Variants in ABCG1 observed in about 807,000 individuals in gnomAD.
ABCG1 encodes the protein ATP-binding cassette sub-family G member 1.
Under a neutral mutation model 69.2 loss-of-function variants are expected in ABCG1, and 29 were observed. The ratio of observed to expected loss-of-function variants is 0.42; its 90% CI spans 0.31 to 0.57. The LOEUF (loss-of-function observed/expected upper bound fraction) is 0.57, where lower values mean the gene tolerates loss of function less well. ABCG1 is among the 20% of genes least tolerant of loss of function. The pLI is 0.15. For synonymous variants in ABCG1, 370 were observed against 374.8 expected, an observed-to-expected ratio of 0.99 and a Z score of 0.15; for missense variants, 718 against 898.1, an observed-to-expected ratio of 0.80 and a Z score of 2.56.
chr21:42,289,760 T>G (rs1454180886), intron 10 of ABCG1, among the ~76,000 whole-genome samples: 3 of 152,226 alleles, frequency 2.0e-5, no homozygotes, highest in African/African-American at 7.2e-5. Context: ...GTTCTCCATT[T>G]TTAAATCTTT....
At position 42,276,873 on chromosome 21, in the gene ABCG1, C is replaced by G; in HGVS notation, c.538-22C>G. ...AGTGGCCGTCTGTTCTGCTTCCACA[C>G]TGTTGTCCTTGTCCCCTGCAGGTGT... On this transcript the variant is annotated intron_variant, in intron 4 of 14. Transcript: ENST00000398449. This position sits in a 1 kb window ranked among gnomAD's most constrained non-coding sequence, Gnocchi z 5.3. The G allele has an allele frequency of 1.2e-6, 2 of 1,613,934 alleles. No homozygotes were observed. The highest frequency in any genetic ancestry group is 2.2e-5 in the South Asian group (2 of 91,064).
At chr21:42,202,827 G>T (rs900307096) in intron 2 of ABCG1, among the ~76,000 whole-genome samples, 1 of 151,994 alleles carries the variant, frequency 6.6e-6, no homozygotes, top group African/African-American at 2.4e-5. Flanking sequence ...TGCTCAGGCT[G>T]GTCTTGAACT....
At chr21:42,289,910 G>T in intron 10 of ABCG1, 140 bp from the exon 11 acceptor site, 1 of 886,136 alleles carries the variant, frequency 1.1e-6, no homozygotes, top group Non-Finnish European at 1.7e-6. Flanking sequence ...TTGTTTCTCT[G>T]GAGGAGAAGA....
In ABCG1 at chr21:42,242,035, T is replaced by C. The variant is rs75365894; in HGVS notation, c.286+16121T>C. 4.8e-3 allele frequency among the ~76,000 whole-genome samples: 709 copies of C among 147,742 alleles called. 3 individuals carry two copies. The highest frequency in any genetic ancestry group is 0.017 in the African/African-American group (676 of 39,886). On this transcript the variant is annotated intron_variant, in intron 2 of 14. Transcript: ENST00000398449. The stretch of plus-strand genomic sequence containing the variant: ...TGTTTTTGGTTACTTGTTTTACAAA[T>C]ATGCCTGCCATTGAAAGCACAAAAC...
At chr21:42,275,050 T>TG (rs984122091) in intron 4 of ABCG1, among the ~76,000 whole-genome samples, 2 of 152,172 alleles carry the variant, frequency 1.3e-5, no homozygotes. Context: ...GGTCAGTAGA[T>TG]GGGGGTTCGC....
At chr21:42,234,153 T>C (rs2067941964) in intron 2 of ABCG1, among the ~76,000 whole-genome samples, 1 of 152,132 alleles carries the variant, frequency 6.6e-6, no homozygotes, top group Non-Finnish European at 1.5e-5. Flanking sequence ...AGTATGGGCA[T>C]CTTCTCCAGA....
At chr21:42,278,804 G>C (rs3787995) in intron 5 of ABCG1, among the ~76,000 whole-genome samples, 11,644 of 152,202 alleles carry the variant, frequency 0.077, 459 homozygotes, top group Admixed American at 0.11. Flanking sequence ...TCTCCCATGG[G>C]AGATGAACCC....
chr21:42,291,566 C>G lies in ABCG1; in HGVS notation c.1563C>G (p.Arg521=). 6.2e-7 allele frequency: 1 copy of G among 1,613,510 alleles called. No homozygotes were observed. The highest frequency in any genetic ancestry group is 2.2e-5 in the East Asian group (1 of 44,874). ...CGTCGCAGCCGTCCGACGCCGTGCG[C>G]TTTGTGCTGTTTGCCGCGCTGGGCA... ...WMTSQPSDAV[R]FVLFAALGTM... Residue 521 remains arginine (R), a synonymous_variant, in exon 13 of 15, where the codon CGC becomes CGG. Transcript: ENST00000398449. This position sits in a 1 kb window ranked among gnomAD's most constrained non-coding sequence, Gnocchi z 6.4.
rs768803695 is a variant in ABCG1 at position 42,282,320 on chromosome 21, C to T, written c.635C>T (p.Thr212Met). The T allele has an allele frequency of 1.3e-5, 21 of 1,613,216 alleles. No homozygotes were observed. Among genetic ancestry groups the T allele is most frequent in the African/African-American group, 1.1e-4 (8 of 74,946 alleles). ...CTGGGCTTGCTGTCTTGCGCCAACA[C>T]GCGGACCGGGAGCCTGTCAGGTGGT... ...TALGLLSCAN[T>M]RTGSLSGGQR... The change falls in exon 6 of 15, where the codon ACG becomes ATG. Residue 212 changes from threonine to methionine, a missense_variant. Around this residue, in one of 2 missense-constraint regions of ABCG1, gnomAD observed 514 missense variants for 574.3 expected, o/e 0.90. Transcript: ENST00000398449.
At chr21:42,294,234 G>A (rs2058888380) in intron 13 of ABCG1, among the ~76,000 whole-genome samples, 1 of 152,222 alleles carries the variant, frequency 6.6e-6, no homozygotes, top group Non-Finnish European at 1.5e-5. Flanking sequence ...TGGAGGAGCA[G>A]ACGGCAGTCT....
chr21:42,294,443 C>T lies in ABCG1; in HGVS notation c.1654-99C>T, dbSNP rs2069163560. 1.3e-5 allele frequency: 12 copies of T among 908,788 alleles called. No homozygotes were observed. The South Asian group carries it at 1.5e-4, about 11-fold the overall frequency. 56.3% of individuals were successfully genotyped at this position (908,788 alleles called of 1,614,324 possible). On this transcript the variant is annotated intron_variant, in intron 13 of 14. Transcript: ENST00000398449. ...CATCATTACCCTGCCCAGAAGGTGC[C>T]CTGGCCCTGCCCGGGGGAAGCTGGC...
At position 42,283,651 on chromosome 21, in the gene ABCG1, TC is replaced by T. The variant is rs1231781314; in HGVS notation, c.735-901del. Among the ~76,000 whole-genome samples the T allele has an allele frequency of 2.3e-4, 33 of 143,686 alleles. 1 individual carries two copies. The highest frequency in any genetic ancestry group is 4.5e-4 in the South Asian group (2 of 4,476). The allele number at this position is 143,686 out of a possible 152,430, so 94.3% of individuals were successfully genotyped here. A position where few individuals can be genotyped will look rare whatever the true frequency, so the allele number is the denominator to read the frequency against. On this transcript the variant is annotated intron_variant, in intron 6 of 14. Coordinates refer to ENST00000398449, the MANE Select transcript of ABCG1 (RefSeq NM_016818.3). Reference sequence around the variant, plus strand: ...GCTGCCTGCCTGGACAGTTGTGAAGTCCCCCCCCACCCAAATGAGTGGGGAA... The same window carrying T: ...GCTGCCTGCCTGGACAGTTGTGAAGTCCCCCCCACCCAAATGAGTGGGGAA...
intron 2 of ABCG1, among the ~76,000 whole-genome samples, chr21:42,208,255 G>T (rs549925090): frequency 1.8e-4 from 24 of 135,552 alleles, no homozygotes; most frequent in Non-Finnish European, 2.9e-4. Context: ...GTGCTCATTT[G>T]CATTTCCAGG....
chr21:42,270,732 G>A (rs996650686), intron 2 of ABCG1, among the ~76,000 whole-genome samples: 3 of 152,186 alleles, frequency 2.0e-5, no homozygotes, highest in African/African-American at 7.2e-5. Context: ...GCTTGGGCAG[G>A]TCACCTGGGC....
At chr21:42,283,015 T>C (rs1052650662) in intron 6 of ABCG1, among the ~76,000 whole-genome samples, 2 of 152,210 alleles carry the variant, frequency 1.3e-5, no homozygotes, top group African/African-American at 4.8e-5. Context: ...GTCCTGGATC[T>C]GGTGCCCCCA....
At chr21:42,270,184 C>T (rs930598005) in intron 2 of ABCG1, among the ~76,000 whole-genome samples, 4 of 144,396 alleles carry the variant, frequency 2.8e-5, no homozygotes, top group South Asian at 2.2e-4. Context: ...GGTGTGAACC[C>T]GGGAGGCGGA....
At position 42,297,028 on chromosome 21, in the gene ABCG1, G is replaced by A. The variant is rs941261537; in HGVS notation, c.*636G>A. On this transcript the variant is annotated 3_prime_UTR_variant, in exon 15 of 15. Transcript: ENST00000398449. ...TTAGAGAGGCGAGGGGTTTAACCGA[G>A]TCACCCAGCTGGTCTCATACATAGA... 3 of 155,550 alleles carry A rather than the reference G, an allele frequency of 1.9e-5. No homozygotes were observed. Among genetic ancestry groups the A allele is most frequent in the Non-Finnish European group, 2.9e-5 (2 of 69,822 alleles). 9.6% of individuals were successfully genotyped at this position (155,550 alleles called of 1,614,324 possible).
chr21:42,243,445 C>CAT (rs1555952128), intron 2 of ABCG1, among the ~76,000 whole-genome samples: 1 of 79,662 alleles, frequency 1.3e-5, no homozygotes, highest in Non-Finnish European at 2.9e-5. Flanking sequence ...CGTGTGTGTG[C>CAT]GCGTGTGTGT....
At chr21:42,209,887 T>C (rs1293823519) in intron 2 of ABCG1, among the ~76,000 whole-genome samples, 1 of 152,180 alleles carries the variant, frequency 6.6e-6, no homozygotes, top group Admixed American at 6.5e-5. Flanking sequence ...AACGAGTTTG[T>C]TTAAAGAGCC....
Sources: gnomAD v4.1 joint callset for allele counts (sites outside exome capture counted in the v4.1 genomes callset) on GRCh38, gnomAD v4.1.1 for gene constraint, gnomAD v4.1.1 regional missense constraint, Gnocchi (gnomAD v3.1) non-coding constraint, MANE v1.5 for transcripts, NCBI Gene and HGNC (gene_info 2026-07-23, HGNC 2026-07-21) for gene names.